The following CDH23 variants were observed in gnomAD, a reference collection of about 807,000 sequenced individuals.
CDH23 encodes cadherin related 23.
CDH23 carries 189 observed loss-of-function variants against 317.1 expected under a neutral mutation model. That is an observed-to-expected ratio of 0.60 (90% CI 0.53 to 0.67). The LOEUF (loss-of-function observed/expected upper bound fraction) is 0.67, where lower values mean the gene tolerates loss of function less well. Among genes scored for constraint, CDH23 ranks in the 30% least tolerant of loss-of-function variants. The pLI is 0.00. For synonymous variants in CDH23, 1,839 were observed against 1,876.8 expected, an observed-to-expected ratio of 0.98 and a Z score of 0.52; for missense variants, 4,401 against 4,592.4, an observed-to-expected ratio of 0.96 and a Z score of 1.20.
At chr10:71,473,294 A>G (rs1483117825) in intron 3 of CDH23, among the ~76,000 whole-genome samples, 1 of 152,242 alleles carries the variant, frequency 6.6e-6, no homozygotes, top group Non-Finnish European at 1.5e-5. Context: ...CAGGTTCTCC[A>G]CAGCATCAAG....
chr10:71,813,141 C>G (rs1841999389), intron 68 of CDH23, 103 bp from the exon 69 acceptor site: 7 of 1,215,416 alleles, frequency 5.8e-6, no homozygotes, highest in Middle Eastern at 2.6e-4. Context: ...CTAGGATCAC[C>G]AGGATCAGAT....
intron 29 of CDH23, among the ~76,000 whole-genome samples, chr10:71,724,806 CA>C (rs914686691): frequency 6.6e-6 from 1 of 152,214 alleles, no homozygotes; most frequent in African/African-American, 2.4e-5. Context: ...CTGATCCTCC[CA>C]CTTCTCGAAT....
intron 9 of CDH23, among the ~76,000 whole-genome samples, chr10:71,599,713 A>G (rs544546312): frequency 1.3e-5 from 2 of 152,188 alleles, no homozygotes; most frequent in African/African-American, 4.8e-5. Flanking sequence ...GCCACATCTG[A>G]CCTGTGGCCT....
intron 14 of CDH23, among the ~76,000 whole-genome samples, chr10:71,661,209 G>A (rs946040899): frequency 2.6e-5 from 4 of 152,138 alleles, no homozygotes; most frequent in East Asian, 1.9e-4. Flanking sequence ...GAGATGTGAC[G>A]AGACAGAAAC....
chr10:71,591,656 T>C (rs1425408186), intron 9 of CDH23, among the ~76,000 whole-genome samples: 1 of 152,170 alleles, frequency 6.6e-6, no homozygotes, highest in East Asian at 1.9e-4. Context: ...TTCATACATA[T>C]ATAGCAGAAA....
chr10:71,736,784 C>A (rs1057251036), intron 34 of CDH23, among the ~76,000 whole-genome samples: 5 of 152,206 alleles, frequency 3.3e-5, no homozygotes, highest in African/African-American at 1.2e-4. Context: ...ATATCCCTTG[C>A]CTTCCTAAGT....
intron 6 of CDH23, among the ~76,000 whole-genome samples, chr10:71,516,270 G>A (rs1402629430): frequency 6.6e-6 from 1 of 152,216 alleles, no homozygotes; most frequent in East Asian, 1.9e-4. Context: ...CAGGTGACCA[G>A]CTTGAGGTGG....
intron 25 of CDH23, 68 bp downstream of exon 25, chr10:71,705,198 G>A: frequency 7.0e-7 from 1 of 1,429,126 alleles, no homozygotes; most frequent in Non-Finnish European, 9.5e-7. Flanking sequence ...AGGGGCAGGG[G>A]TAGAGGGGAG....
intron 8 of CDH23, among the ~76,000 whole-genome samples, chr10:71,573,028 G>A (rs541169838): frequency 6.6e-6 from 1 of 152,316 alleles, no homozygotes; most frequent in East Asian, 1.9e-4. Context: ...TGAATCAAAC[G>A]GCCTCCTGAC....
chr10:71,753,814 G>A (rs139334054), intron 38 of CDH23: 57 of 456,510 alleles, frequency 1.2e-4, no homozygotes, highest in Non-Finnish European at 2.5e-4. Context: ...ACACAGGGAA[G>A]TTACCCAAAA....
At chr10:71,722,684 T>G (rs1866614192) in intron 28 of CDH23, among the ~76,000 whole-genome samples, 1 of 152,130 alleles carries the variant, frequency 6.6e-6, no homozygotes, top group South Asian at 2.1e-4. Context: ...TCATATGCAG[T>G]GCTCAGGGAG....
intron 9 of CDH23, among the ~76,000 whole-genome samples, chr10:71,594,810 A>G (rs1346994377): frequency 6.6e-6 from 1 of 152,232 alleles, no homozygotes; most frequent in Non-Finnish European, 1.5e-5. Flanking sequence ...GCCACATGCT[A>G]TCAGGTTGAA....
intron 12 of CDH23, among the ~76,000 whole-genome samples, chr10:71,644,575 C>T (rs998180436): frequency 3.3e-5 from 5 of 152,210 alleles, no homozygotes; most frequent in Non-Finnish European, 7.4e-5. Context: ...GGACTATCCC[C>T]TTAGACCACG....
chr10:71,769,000 G>C (rs1338214322), intron 38 of CDH23, among the ~76,000 whole-genome samples: 2 of 152,192 alleles, frequency 1.3e-5, no homozygotes, highest in African/African-American at 2.4e-5. Context: ...AGAGAATAGA[G>C]GTAGCTGGGG....
intron 6 of CDH23, among the ~76,000 whole-genome samples, chr10:71,560,077 C>A (rs987405247): frequency 6.6e-6 from 1 of 152,182 alleles, no homozygotes; most frequent in Non-Finnish European, 1.5e-5. Context: ...CCCACCTCTC[C>A]CATAGACCCC....
chr10:71,601,312 T>C (rs980278613), intron 9 of CDH23, among the ~76,000 whole-genome samples: 1 of 152,248 alleles, frequency 6.6e-6, no homozygotes, highest in African/African-American at 2.4e-5. Flanking sequence ...TACTAATCAA[T>C]GAGGTCTAAC....
intron 3 of CDH23, among the ~76,000 whole-genome samples, chr10:71,496,545 G>T (rs1181459658): frequency 6.6e-6 from 1 of 152,172 alleles, no homozygotes; most frequent in Non-Finnish European, 1.5e-5. Flanking sequence ...CTGGCCCCTA[G>T]GCCAGCTAGT....
At chr10:71,405,564 A>T (rs1848059301) in intron 1 of CDH23, among the ~76,000 whole-genome samples, 1 of 151,900 alleles carries the variant, frequency 6.6e-6, no homozygotes, top group Non-Finnish European at 1.5e-5. Context: ...CAGCCTCCCA[A>T]GTAGCTGGGA....
chr10:71,548,244 G>T (rs191552356), intron 6 of CDH23, among the ~76,000 whole-genome samples: 2 of 152,344 alleles, frequency 1.3e-5, no homozygotes, highest in Non-Finnish European at 2.9e-5. Context: ...ACGCAGTCAT[G>T]CGGGGTGGAG....
Sources: allele counts gnomAD v4.1 joint callset (sites outside exome capture counted in the v4.1 genomes callset), GRCh38; gene constraint gnomAD v4.1.1; transcripts MANE v1.5; gene names NCBI Gene and HGNC (gene_info 2026-07-23, HGNC 2026-07-21).